The following RRAS2 variants were observed in gnomAD, a reference collection of about 807,000 sequenced individuals.
The protein encoded by RRAS2 is ras-related protein R-Ras2.
Under a neutral mutation model 27.6 loss-of-function variants are expected in RRAS2, and 7 were observed. The observed-to-expected ratio is 0.25, with a 90% CI of 0.14 to 0.48. RRAS2 has a LOEUF of 0.48. Among genes scored for constraint, RRAS2 ranks in the 20% least tolerant of loss-of-function variants. The pLI, the probability that RRAS2 is intolerant of heterozygous loss-of-function variation, is 0.99. For synonymous variants in RRAS2, 86 were observed against 90.9 expected (o/e 0.95, Z 0.31); for missense variants, 178 against 256.2 (o/e 0.69, Z 2.08).
chr11:14,300,268 G>A (rs1369063932), intron 1 of RRAS2, among the ~76,000 whole-genome samples: 2 of 152,148 alleles, frequency 1.3e-5, no homozygotes, highest in African/African-American at 2.4e-5. Context: ...ATGCCTTCCC[G>A]GTAGTATGGA....
At chr11:14,341,270 G>A (rs1848699568) in intron 1 of RRAS2, among the ~76,000 whole-genome samples, 1 of 152,026 alleles carries the variant, frequency 6.6e-6, no homozygotes, top group Non-Finnish European at 1.5e-5. Context: ...TCTTTCAATC[G>A]GTAAACCTAC....
intron 1 of RRAS2, among the ~76,000 whole-genome samples, chr11:14,300,309 T>G (rs1554947182): frequency 6.6e-6 from 1 of 152,196 alleles, no homozygotes. Flanking sequence ...TCTTTAACAT[T>G]GTCAGGAGAT....
chr11:14,359,164 G>A lies in RRAS2; in HGVS notation c.-294C>T, dbSNP rs1849153535. ...GCGCCTGCCGAACGCAGCCTCCAGC[G>A]CCGCCACAAATGGCCGTCTGGGGGC... is the stretch of plus-strand genomic sequence containing the variant. On this transcript the variant is annotated 5_prime_UTR_variant, in exon 1 of 6. Transcript: ENST00000256196. 2.0e-6 allele frequency: 2 copies of A among 1,005,364 alleles called. No individual in the cohort carries two copies. Among genetic ancestry groups the A allele is most frequent in the Non-Finnish European group, 2.4e-6 (2 of 844,714 alleles). The allele number at this position is 1,005,364 out of a possible 1,614,324, so 62.3% of individuals were successfully genotyped here. A position where few individuals can be genotyped will look rare whatever the true frequency, so the allele number is the denominator to read the frequency against.
At chr11:14,356,144 A>C (rs1849067800) in intron 1 of RRAS2, among the ~76,000 whole-genome samples, 1 of 152,154 alleles carries the variant, frequency 6.6e-6, no homozygotes, top group Non-Finnish European at 1.5e-5. Context: ...CTAAAATTAC[A>C]CATGCAGCAA....
In RRAS2 at chr11:14,344,290, GACTTA is replaced by G. The variant is rs146358071; in HGVS notation, c.108+14468_108+14472del. On this transcript the variant is annotated intron_variant, in intron 1 of 5. Coordinates refer to ENST00000256196, the MANE Select transcript of RRAS2 (RefSeq NM_012250.6). ...TCTGCAACTCGTCATTAAATTATCA[GACTTA>G]ACTTTTGTTTCACATTTCCACTTTT... Among the ~76,000 whole-genome samples, 270 of 152,186 alleles carry G rather than the reference GACTTA, an allele frequency of 1.8e-3. 6 individuals carry two copies. The East Asian group carries it at 0.045, about 25-fold the overall frequency.
chr11:14,317,854 C>T (rs1404056969), intron 1 of RRAS2, among the ~76,000 whole-genome samples: 1 of 152,128 alleles, frequency 6.6e-6, no homozygotes, highest in African/African-American at 2.4e-5. Context: ...TCAATTCAGC[C>T]CAGGAGTGCA....
At chr11:14,340,575 C>T (rs958249705) in intron 1 of RRAS2, among the ~76,000 whole-genome samples, 8 of 152,002 alleles carry the variant, frequency 5.3e-5, no homozygotes, top group South Asian at 2.1e-4. Flanking sequence ...TAGAAGACAC[C>T]GAAAGAAAAA....
chr11:14,306,304 G>C (rs1279421872), intron 1 of RRAS2, among the ~76,000 whole-genome samples: 1 of 152,038 alleles, frequency 6.6e-6, no homozygotes, highest in African/African-American at 2.4e-5. Flanking sequence ...TCAGAAATAT[G>C]ATTTACAAAT....
intron 1 of RRAS2, among the ~76,000 whole-genome samples, chr11:14,310,536 C>G (rs1252924105): frequency 2.0e-5 from 3 of 151,942 alleles, no homozygotes; most frequent in Admixed American, 2.0e-4. Context: ...TAAGAAGGAG[C>G]GAAAGATAAG....
chr11:14,279,997 A>T (rs1849478287), intron 5 of RRAS2, among the ~76,000 whole-genome samples: 1 of 152,202 alleles, frequency 6.6e-6, no homozygotes, highest in Non-Finnish European at 1.5e-5. Flanking sequence ...TCATTCCTGA[A>T]TTACTGATGG....
At chr11:14,352,027 G>C (rs1024628461) in intron 1 of RRAS2, among the ~76,000 whole-genome samples, 4 of 152,110 alleles carry the variant, frequency 2.6e-5, no homozygotes, top group African/African-American at 4.8e-5. Flanking sequence ...ATATTGCAGG[G>C]AATAAGCAAA....
chr11:14,298,250 G>C (rs1847610190), intron 1 of RRAS2, among the ~76,000 whole-genome samples: 1 of 152,130 alleles, frequency 6.6e-6, no homozygotes, highest in Non-Finnish European at 1.5e-5. Flanking sequence ...ACTACTCCCA[G>C]CTGATGCCTA....
intron 1 of RRAS2, chr11:14,308,145 G>C: frequency 1.0e-5 from 3 of 301,464 alleles, no homozygotes; most frequent in South Asian, 8.3e-5. Flanking sequence ...CACAGTTTAT[G>C]TATTTGCTTT....
Position 14,333,011 on chromosome 11 carries a change from ACT to A in RRAS2, c.108+25750_108+25751del, listed in dbSNP as rs1201651121. Among the ~76,000 whole-genome samples, 8 of 152,238 alleles carry A rather than the reference ACT, an allele frequency of 5.3e-5. No individual in the cohort carries two copies. In the East Asian group the frequency reaches 1.5e-3, roughly 29 times the overall value. On this transcript the variant is annotated intron_variant, in intron 1 of 5. Transcript: ENST00000256196. Reference sequence around the variant, plus strand: ...TTATGAAAGTATAAAGAAAAAGATAACTCAACATTTGGGTCAATTTCTATTTC... The same window carrying A: ...TTATGAAAGTATAAAGAAAAAGATAACAACATTTGGGTCAATTTCTATTTC...
chr11:14,358,941 G>T lies in RRAS2; in HGVS notation c.-71C>A, dbSNP rs1358738413. The T allele has an allele frequency of 2.9e-5, 34 of 1,181,086 alleles. No individual in the cohort carries two copies. Among genetic ancestry groups the T allele is most frequent in the Non-Finnish European group, 3.5e-5 (33 of 955,704 alleles). 73.2% of individuals were successfully genotyped at this position (1,181,086 alleles called of 1,614,324 possible). A position where few individuals can be genotyped will look rare whatever the true frequency, so the allele number is the denominator to read the frequency against. On this transcript the variant is annotated 5_prime_UTR_variant, in exon 1 of 6. Transcript: ENST00000256196. This position sits in a 1 kb window ranked among gnomAD's most constrained non-coding sequence, Gnocchi z 5.1. ...CGCCCGCCCTAGGCCCGGCTCCGGG[G>T]ACGTGTGCGGCCGGCGGGCTGCGGG...
chr11:14,337,599 C>T (rs1848613612), intron 1 of RRAS2, among the ~76,000 whole-genome samples: 1 of 152,144 alleles, frequency 6.6e-6, no homozygotes, highest in East Asian at 1.9e-4. Context: ...TGTAATTTTT[C>T]TATTTTATTA....
intron 1 of RRAS2, among the ~76,000 whole-genome samples, chr11:14,304,020 T>C (rs879985590): frequency 6.6e-6 from 1 of 152,186 alleles, no homozygotes; most frequent in Non-Finnish European, 1.5e-5. Flanking sequence ...CCGAGCACAG[T>C]GTCCCTTTCT....
At chr11:14,363,633 T>C (rs1849217485), upstream of RRAS2, among the ~76,000 whole-genome samples, 1 of 151,864 alleles carries the variant, frequency 6.6e-6, no homozygotes, top group African/African-American at 2.4e-5. Flanking sequence ...TAGCTGGGCA[T>C]GGTGGTGTGT....
At chr11:14,312,784 C>CA (rs1848005278) in intron 1 of RRAS2, among the ~76,000 whole-genome samples, 1 of 152,032 alleles carries the variant, frequency 6.6e-6, no homozygotes, top group South Asian at 2.1e-4. Context: ...CAATAAAATT[C>CA]AAAAAAGCAA....
Sources: gnomAD v4.1 joint callset for allele counts (sites outside exome capture counted in the v4.1 genomes callset) on GRCh38, gnomAD v4.1.1 for gene constraint, Gnocchi (gnomAD v3.1) non-coding constraint, MANE v1.5 for transcripts, NCBI Gene and HGNC (gene_info 2026-07-23, HGNC 2026-07-21) for gene names.